The following GEMIN5 variants were observed in gnomAD, a reference collection of about 807,000 sequenced individuals.
GEMIN5 encodes the protein gem-associated protein 5.
GEMIN5 carries 124 observed loss-of-function variants against 176.9 expected under a neutral mutation model. The ratio of observed to expected loss-of-function variants is 0.70; its 90% CI spans 0.61 to 0.81. The LOEUF (loss-of-function observed/expected upper bound fraction) is 0.81. Among genes scored for constraint, GEMIN5 ranks in the 40% least tolerant of loss-of-function variants. The probability of loss-of-function intolerance (pLI) is 0.00; values close to 1 mark genes in which losing one functional copy is unlikely to be tolerated. For missense variants in GEMIN5, 1,843 were observed against 1,814.6 expected (o/e 1.02, Z -0.28); for synonymous variants, 673 against 665.2 (o/e 1.01, Z -0.18).
intron 23 of GEMIN5, among the ~76,000 whole-genome samples, chr5:154,896,622 T>A (rs1763357861): frequency 6.6e-6 from 1 of 152,198 alleles, no homozygotes; most frequent in Non-Finnish European, 1.5e-5. Flanking sequence ...CACAATGATT[T>A]AAGCCACACA....
intron 15 of GEMIN5, 68 bp downstream of exon 15, chr5:154,911,659 A>G (rs6580121): frequency 0.98 from 1,336,442 of 1,368,650 alleles, 652,992 homozygotes; most frequent in Middle Eastern, 0.99. Context: ...TTCCTTGCTC[A>G]ATCCTGATCA....
intron 17 of GEMIN5, 27 bp from the exon 18 acceptor site, chr5:154,904,656 C>A: frequency 6.3e-7 from 1 of 1,582,260 alleles, no homozygotes; most frequent in South Asian, 1.1e-5. Flanking sequence ...TACATACTAT[C>A]TGAAGGAGAA....
intron 24 of GEMIN5, among the ~76,000 whole-genome samples, chr5:154,894,614 T>A (rs1325528554): frequency 6.6e-6 from 1 of 150,814 alleles, no homozygotes; most frequent in African/African-American, 2.4e-5. Flanking sequence ...CTACTAAAAA[T>A]CTGAAAAATA....
chr5:154,891,142 G>A (rs1340891588), intron 26 of GEMIN5, 99 bp downstream of exon 26: 1 of 1,049,884 alleles, frequency 9.5e-7, no homozygotes, highest in Non-Finnish European at 1.3e-6. Flanking sequence ...TGATCCTCCT[G>A]CTTCAGCCTC....
At position 154,905,486 on chromosome 5, in the gene GEMIN5, G is replaced by A. The variant is rs1195716300; in HGVS notation, c.2396-10C>T. Reference sequence around the variant, plus strand: ...ACTGGTTCTCTAGAAACTACATCATGGGGGAAAAAGGAAAAAAAAAGTTAA... The same window carrying A: ...ACTGGTTCTCTAGAAACTACATCATAGGGGAAAAAGGAAAAAAAAAGTTAA... On this transcript the variant is annotated splice_polypyrimidine_tract_variant and intron_variant, in intron 16 of 27. Coordinates refer to ENST00000285873, the MANE Select transcript of GEMIN5 (RefSeq NM_015465.5). The A allele has an allele frequency of 7.6e-7, 1 of 1,316,420 alleles. No homozygotes were observed. The highest frequency in any genetic ancestry group is 1.3e-5 in the South Asian group (1 of 76,984). The allele number at this position is 1,316,420 out of a possible 1,614,324, so 81.5% of individuals were successfully genotyped here.
intron 13 of GEMIN5, among the ~76,000 whole-genome samples, chr5:154,916,219 T>A (rs140936760): frequency 6.6e-6 from 1 of 152,206 alleles, no homozygotes; most frequent in African/African-American, 2.4e-5. Context: ...GCAAGATAGA[T>A]CCTTGTGTAC....
chr5:154,917,692 G>A (rs1330002614), intron 12 of GEMIN5, among the ~76,000 whole-genome samples: 1 of 152,088 alleles, frequency 6.6e-6, no homozygotes, highest in Admixed American at 6.6e-5. Flanking sequence ...ATTTTGTGAG[G>A]GACAAGACAG....
chr5:154,911,960 T>G, intron 14 of GEMIN5, 62 bp from the exon 15 acceptor site: 2 of 1,451,106 alleles, frequency 1.4e-6, no homozygotes, highest in Non-Finnish European at 1.9e-6. Context: ...TTGGGCAGTA[T>G]GTTTTCTAAT....
chr5:154,931,101 G>A (rs1764152683), intron 5 of GEMIN5, among the ~76,000 whole-genome samples: 1 of 152,202 alleles, frequency 6.6e-6, no homozygotes, highest in Admixed American at 6.5e-5. Context: ...CTGCATTTGT[G>A]CATTAAAAGC....
chr5:154,898,642 CCTAAATAG>C lies in GEMIN5; in HGVS notation c.3135_3142del (p.Cys1045TrpfsTer7). 1 of 1,607,412 alleles carries C rather than the reference CCTAAATAG, an allele frequency of 6.2e-7. No individual in the cohort carries two copies. Among genetic ancestry groups the C allele is most frequent in the Non-Finnish European group, 8.5e-7 (1 of 1,173,998 alleles). The stretch of plus-strand genomic sequence containing the variant: ...GGCTGCATCATAAGCACAAGTGGCC[CCTAAATAG>C]CTATAATATGAATAAAAATGTGAAG... On this transcript the variant is annotated frameshift_variant and splice_region_variant, in exon 23 of 28. Transcript: ENST00000285873. LOFTEE classifies it high-confidence loss of function.
At chr5:154,894,452 G>A (rs1763305927) in intron 24 of GEMIN5, among the ~76,000 whole-genome samples, 1 of 152,152 alleles carries the variant, frequency 6.6e-6, no homozygotes, top group African/African-American at 2.4e-5. Flanking sequence ...GCTGAGACAT[G>A]GGGCATGTGC....
Position 154,893,054 on chromosome 5 carries a change from G to A in GEMIN5, c.3598-505C>T, listed in dbSNP as rs183616208. On this transcript the variant is annotated intron_variant, in intron 24 of 27. Coordinates refer to ENST00000285873, the MANE Select transcript of GEMIN5 (RefSeq NM_015465.5). ...GGAGGTTGTGGTGAGCTGAGATTGCGCCACTGCACTCCAGTCTGAGCATGA... is the reference window on the plus strand; with the variant it reads ...GGAGGTTGTGGTGAGCTGAGATTGCACCACTGCACTCCAGTCTGAGCATGA... Among the ~76,000 whole-genome samples the A allele has an allele frequency of 7.6e-4, 116 of 151,794 alleles. 1 individual carries two copies. The highest frequency in any genetic ancestry group is 2.6e-3 in the African/African-American group (107 of 41,360).
chr5:154,928,790 A>C, intron 5 of GEMIN5, 131 bp from the exon 6 acceptor site: 92 of 713,036 alleles, frequency 1.3e-4, no homozygotes, highest in Non-Finnish European at 1.8e-4. Context: ...TTCAGATCTC[A>C]TTTTCCAATG....
chr5:154,915,221 C>A (rs1268661077), intron 13 of GEMIN5, among the ~76,000 whole-genome samples: 4 of 152,162 alleles, frequency 2.6e-5, no homozygotes, highest in African/African-American at 9.7e-5. Context: ...GGAGTCACTA[C>A]TAGAACCAAA....
At chr5:154,902,418 T>C in intron 20 of GEMIN5, 121 bp downstream of exon 20, 2 of 900,764 alleles carry the variant, frequency 2.2e-6, no homozygotes, top group Non-Finnish European at 3.4e-6. Context: ...TGCTGTCTAT[T>C]GCTTTGTATC....
At chr5:154,918,125 T>A (rs1763850141) in intron 11 of GEMIN5, 121 bp from the exon 12 acceptor site, 2 of 637,144 alleles carry the variant, frequency 3.1e-6, no homozygotes, top group African/African-American at 1.8e-5. Context: ...GCTATTCTTG[T>A]AAATAATCTA....
Position 154,899,249 on chromosome 5 carries a change from A to G in GEMIN5, c.3076T>C (p.Tyr1026His), listed in dbSNP as rs549580725. The G allele has an allele frequency of 4.3e-6, 7 of 1,613,376 alleles. No individual in the cohort carries two copies. In the Middle Eastern group the frequency reaches 6.6e-4, roughly 152 times the overall value. The change falls in exon 22 of 28, where the codon TAC becomes CAC. Residue 1026 changes from tyrosine to histidine, a missense_variant. By Grantham distance (83) the Tyr-to-His change is moderately conservative. Coordinates refer to ENST00000285873, the MANE Select transcript of GEMIN5 (RefSeq NM_015465.5). ...RPEDPVLKDLYLSWGTVLERD... is the reference protein window; with the variant it reads ...RPEDPVLKDLHLSWGTVLERD... ...TCTAGGACGGTTCCCCAGCTGAGGT[A>G]CAAGTCCTTCAGGACTGGGTCCTCC...
chr5:154,914,143 C>T (rs2113486354), intron 13 of GEMIN5, among the ~76,000 whole-genome samples: 1 of 152,182 alleles, frequency 6.6e-6, no homozygotes, highest in Non-Finnish European at 1.5e-5. Context: ...GCCTCAGCCT[C>T]CTGAGTAGCT....
At position 154,904,529 on chromosome 5, in the gene GEMIN5, T is replaced by C. The variant is rs1763530558; in HGVS notation, c.2610A>G (p.Leu870=). 1 of 1,613,792 alleles carries C rather than the reference T, an allele frequency of 6.2e-7. No homozygotes were observed. Among genetic ancestry groups the C allele is most frequent in the South Asian group, 1.1e-5 (1 of 91,082 alleles). The part of the protein sequence containing the change: ...KEELHQDCLV[L]ATAKHSRELN... ...TACCTCTGGAGTGCTTTGCAGTTGC[T>C]AGTACCAAACAGTCCTGATGAAGCT... Residue 870 remains leucine (L), a synonymous_variant, in exon 18 of 28, where the codon CTA becomes CTG. Coordinates refer to ENST00000285873, the MANE Select transcript of GEMIN5 (RefSeq NM_015465.5).
Sources: allele counts gnomAD v4.1 joint callset (sites outside exome capture counted in the v4.1 genomes callset), GRCh38; gene constraint gnomAD v4.1.1; transcripts MANE v1.5; gene names NCBI Gene and HGNC (gene_info 2026-07-23, HGNC 2026-07-21).